The following CFAP299 variants were observed in gnomAD, a reference collection of about 807,000 sequenced individuals.
CFAP299 encodes cilia and flagella associated protein 299.
CFAP299 carries 21 observed loss-of-function variants against 27.0 expected under a neutral mutation model. The ratio of observed to expected loss-of-function variants is 0.78; its 90% CI spans 0.55 to 1.12. The LOEUF (loss-of-function observed/expected upper bound fraction) is 1.12. CFAP299 is among the 50% of genes most tolerant of loss of function. The pLI, the probability that CFAP299 is intolerant of heterozygous loss-of-function variation, is 0.00. For synonymous variants in CFAP299, 104 were observed against 98.1 expected (o/e 1.06, Z -0.36); for missense variants, 310 against 276.6 (o/e 1.12, Z -0.86).
At chr4:80,500,897 G>C (rs2110151082) in intron 2 of CFAP299, among the ~76,000 whole-genome samples, 1 of 152,182 alleles carries the variant, frequency 6.6e-6, no homozygotes, top group African/African-American at 2.4e-5. Flanking sequence ...GCTCAGTGTG[G>C]CACTTTAGAT....
chr4:80,927,840 G>A (rs577051542), intron 4 of CFAP299, among the ~76,000 whole-genome samples: 1 of 152,134 alleles, frequency 6.6e-6, no homozygotes, highest in African/African-American at 2.4e-5. Context: ...CCATTTTAAG[G>A]TCAAATCACT....
rs544862267 is a variant in CFAP299 at position 80,614,198 on chromosome 4, T to G, written c.333+31015T>G. ...CAGTTTGCACTGAAATAATGCTATTTTTTTCTATCCTAATGGAAACAGTTT... is the reference window on the plus strand; with the variant it reads ...CAGTTTGCACTGAAATAATGCTATTGTTTTCTATCCTAATGGAAACAGTTT... On this transcript the variant is annotated intron_variant, in intron 3 of 5. Transcript: ENST00000358105. Among the ~76,000 whole-genome samples the G allele has an allele frequency of 2.6e-5, 4 of 152,308 alleles. No individual in the cohort carries two copies. In the South Asian group the frequency reaches 8.3e-4, roughly 32 times the overall value.
chr4:80,742,882 C>A (rs1724359104), intron 3 of CFAP299, among the ~76,000 whole-genome samples: 1 of 152,102 alleles, frequency 6.6e-6, no homozygotes, highest in African/African-American at 2.4e-5. Context: ...ACAAATTTAT[C>A]TCAGAAGTAG....
intron 5 of CFAP299, among the ~76,000 whole-genome samples, chr4:80,948,943 A>G (rs1194868276): frequency 6.6e-6 from 1 of 152,188 alleles, no homozygotes; most frequent in African/African-American, 2.4e-5. Flanking sequence ...TTTTCCCTAT[A>G]TTAACCCAAA....
At chr4:80,416,647 A>T (rs761303924) in intron 2 of CFAP299, among the ~76,000 whole-genome samples, 1 of 152,236 alleles carries the variant, frequency 6.6e-6, no homozygotes, top group African/African-American at 2.4e-5. Context: ...AGATGCCATT[A>T]TAATAAGCTA....
At chr4:80,656,657 G>T (rs1740572246) in intron 3 of CFAP299, among the ~76,000 whole-genome samples, 1 of 152,148 alleles carries the variant, frequency 6.6e-6, no homozygotes, top group Admixed American at 6.5e-5. Context: ...CCAAGTCTTT[G>T]CTATTGTGAA....
Position 80,736,619 on chromosome 4 carries a change from T to C in CFAP299, c.334-133374T>C, listed in dbSNP as rs199841676. 7.0e-3 allele frequency among the ~76,000 whole-genome samples: 1,070 copies of C among 152,192 alleles called. 35 individuals are homozygous for C. The East Asian group carries it at 0.087, about 12-fold the overall frequency. On this transcript the variant is annotated intron_variant, in intron 3 of 5. Coordinates refer to ENST00000358105, the MANE Select transcript of CFAP299 (RefSeq NM_152770.3). ...AAATCAAAACCACAATGAGATACCA[T>C]CTCACACCAGTTAGAATGGCATTCA...
At chr4:80,442,175 T>G (rs1728391565) in intron 2 of CFAP299, among the ~76,000 whole-genome samples, 1 of 152,134 alleles carries the variant, frequency 6.6e-6, no homozygotes, top group Admixed American at 6.5e-5. Flanking sequence ...ACAAGGATAT[T>G]CAGGACTTGA....
chr4:80,340,560 G>T (rs376002492), intron 1 of CFAP299, among the ~76,000 whole-genome samples: 1 of 152,148 alleles, frequency 6.6e-6, no homozygotes, highest in African/African-American at 2.4e-5. Flanking sequence ...AGACCCACTC[G>T]CTTAGAATTC....
chr4:80,482,288 G>A (rs1414522901), intron 2 of CFAP299, among the ~76,000 whole-genome samples: 2 of 151,846 alleles, frequency 1.3e-5, no homozygotes, highest in African/African-American at 4.8e-5. Flanking sequence ...ATTAGAGGAT[G>A]TGAAAAATTC....
intron 2 of CFAP299, among the ~76,000 whole-genome samples, chr4:80,393,064 C>A (rs1249466527): frequency 6.6e-6 from 1 of 152,030 alleles, no homozygotes; most frequent in Non-Finnish European, 1.5e-5. Context: ...TATTGATGAT[C>A]CTGACCCTGT....
chr4:80,543,808 G>A (rs912057754), intron 2 of CFAP299, among the ~76,000 whole-genome samples: 2 of 152,190 alleles, frequency 1.3e-5, no homozygotes, highest in African/African-American at 4.8e-5. Context: ...TCTCACTAGA[G>A]AGATTAACAT....
At chr4:80,898,807 TAAAC>T (rs1481691066) in intron 4 of CFAP299, among the ~76,000 whole-genome samples, 2 of 152,040 alleles carry the variant, frequency 1.3e-5, no homozygotes, top group African/African-American at 4.8e-5. Flanking sequence ...TTAAATGACT[TAAAC>T]AATTTTTTAG....
chr4:80,949,066 T>C (rs1024440485), intron 5 of CFAP299, among the ~76,000 whole-genome samples: 2 of 152,174 alleles, frequency 1.3e-5, no homozygotes, highest in African/African-American at 4.8e-5. Flanking sequence ...CCCAGAAATA[T>C]ATAATTTAAA....
chr4:80,493,703 G>A (rs1299945445), intron 2 of CFAP299, among the ~76,000 whole-genome samples: 1 of 149,710 alleles, frequency 6.7e-6, no homozygotes, highest in Non-Finnish European at 1.5e-5. Flanking sequence ...AAACGCTAGT[G>A]ACTTAAATTT....
intron 2 of CFAP299, among the ~76,000 whole-genome samples, chr4:80,369,784 C>T (rs1440049402): frequency 2.6e-5 from 4 of 152,132 alleles, no homozygotes; most frequent in Non-Finnish European, 4.4e-5. Flanking sequence ...GCATGCACAT[C>T]GGTTTTTAAT....
intron 2 of CFAP299, among the ~76,000 whole-genome samples, chr4:80,581,439 T>G (rs1389568338): frequency 8.2e-6 from 1 of 122,146 alleles, no homozygotes; most frequent in Non-Finnish European, 1.7e-5. Flanking sequence ...GATATATATA[T>G]AGATATTAAG....
rs192001668 is a variant in CFAP299, at chr4:80,542,454, A to C, written c.243-40639A>C. 1.1e-3 allele frequency among the ~76,000 whole-genome samples: 173 copies of C among 152,288 alleles called. 1 individual carries two copies. Among genetic ancestry groups the C allele is most frequent in the Middle Eastern group, 3.4e-3 (1 of 294 alleles). On this transcript the variant is annotated intron_variant, in intron 2 of 5. Transcript: ENST00000358105. ...CTGAGAGAGGTTAGATAAATGATCC[A>C]GATGTTGGTACTGAAGGAGGAGGAA...
At chr4:80,647,556 C>A (rs952204763) in intron 3 of CFAP299, among the ~76,000 whole-genome samples, 1 of 152,046 alleles carries the variant, frequency 6.6e-6, no homozygotes, top group African/African-American at 2.4e-5. Flanking sequence ...TGAAACCCAC[C>A]GACTGTGCCC....
Sources: gnomAD v4.1 joint callset for allele counts (sites outside exome capture counted in the v4.1 genomes callset) on GRCh38, gnomAD v4.1.1 for gene constraint, MANE v1.5 for transcripts, NCBI Gene and HGNC (gene_info 2026-07-23, HGNC 2026-07-21) for gene names.